The following MPRIP variants were observed in gnomAD, a reference collection of about 807,000 sequenced individuals.
The protein encoded by MPRIP is myosin phosphatase Rho-interacting protein.
Under a neutral mutation model 234.9 loss-of-function variants are expected in MPRIP, and 59 were observed. The observed-to-expected ratio is 0.25, with a 90% CI of 0.20 to 0.31. MPRIP has a LOEUF of 0.31. MPRIP is among the 10% of genes least tolerant of loss of function. MPRIP has a pLI of 1.00. For missense variants in MPRIP, 2,436 were observed against 3,071.0 expected (o/e 0.79, Z 4.89); for synonymous variants, 1,144 against 1,263.9 (o/e 0.91, Z 2.01).
rs1348928324 is a variant in MPRIP, at chr17:17,166,150, A to G, written c.4559A>G (p.Gln1520Arg). 1 of 1,302,538 alleles carries G rather than the reference A, an allele frequency of 7.7e-7. No individual in the cohort carries two copies. Among genetic ancestry groups the G allele is most frequent in the Non-Finnish European group, 1.0e-6 (1 of 987,990 alleles). 80.7% of individuals were successfully genotyped at this position (1,302,538 alleles called of 1,614,324 possible). The change falls in exon 16 of 24, where the codon CAG (glutamine) becomes CGG (arginine). Residue 1520 changes from glutamine to arginine, a missense_variant. Transcript: ENST00000651222. The surrounding 1 kb of genome is among the most constrained non-coding windows in gnomAD (Gnocchi z 4.4). ...CTCGTCAGCGCCATCCAAGCCCTGC[A>G]GCACTGGCCGGCCCCAGCCCATGGC... ...SALVSAIQAL[Q>R]HWPAPAHGGA...
intron 2 of MPRIP, chr17:17,076,434 C>T (rs2089330341): frequency 6.6e-6 from 1 of 152,438 alleles, no homozygotes; most frequent in Non-Finnish European, 1.5e-5. Flanking sequence ...TCCCTTTCCT[C>T]TTCTTCTTAG....
intron 1 of MPRIP, among the ~76,000 whole-genome samples, chr17:17,074,949 A>C (rs1326752236): frequency 6.6e-6 from 1 of 152,112 alleles, no homozygotes; most frequent in Admixed American, 6.5e-5. Flanking sequence ...ATGAACATTC[A>C]TGTGCAGGTA....
intron 23 of MPRIP, chr17:17,180,521 GCA>G: frequency 8.2e-7 from 1 of 1,226,966 alleles, no homozygotes; most frequent in South Asian, 1.2e-5. Flanking sequence ...AGCCAGCCAT[GCA>G]CAGGAGGGCG....
rs759819116 is a variant in MPRIP, at chr17:17,042,829, C to CCGT, written c.-17_-15dup. 11 of 1,444,172 alleles carry CCGT rather than the reference C, an allele frequency of 7.6e-6. No homozygotes were observed. In the African/African-American group the frequency reaches 1.3e-4, roughly 17 times the overall value. 89.5% of individuals were successfully genotyped at this position (1,444,172 alleles called of 1,614,324 possible). A position where few individuals can be genotyped will look rare whatever the true frequency, so the allele number is the denominator to read the frequency against. On this transcript the variant is annotated 5_prime_UTR_variant, in exon 1 of 24. Coordinates refer to ENST00000651222, the MANE Select transcript of MPRIP (RefSeq NM_001364716.4). ...CAGGCCTGCGCCGCCGCCGCCGCCG[C>CCGT]CGTCGCCGCCGCGCCGACCATGTCG...
intron 15 of MPRIP, among the ~76,000 whole-genome samples, chr17:17,163,309 G>A (rs941928892): frequency 1.3e-5 from 2 of 152,146 alleles, no homozygotes; most frequent in East Asian, 3.8e-4. Context: ...GGCTGGGCTC[G>A]GCTCACTCTT....
intron 3 of MPRIP, chr17:17,096,994 T>C: frequency 3.0e-6 from 1 of 337,128 alleles, no homozygotes; most frequent in Non-Finnish European, 6.0e-6. Context: ...TGCCCGGCTA[T>C]CGTAGCCAGG....
At chr17:17,172,668 T>C in intron 17 of MPRIP, 30 bp from the exon 18 acceptor site, 4 of 1,588,000 alleles carry the variant, frequency 2.5e-6, no homozygotes, top group Non-Finnish European at 3.4e-6. Context: ...GCGTGGTCCC[T>C]CGGTGCTGAG....
At chr17:17,099,642 G>A (rs759621482) in intron 3 of MPRIP, among the ~76,000 whole-genome samples, 13 of 152,166 alleles carry the variant, frequency 8.5e-5, no homozygotes, top group Non-Finnish European at 1.3e-4. Context: ...CCAGAGGATC[G>A]CTTGAGCCTG....
At chr17:17,051,557 C>G (rs761053651) in intron 1 of MPRIP, among the ~76,000 whole-genome samples, 5 of 152,268 alleles carry the variant, frequency 3.3e-5, no homozygotes, top group Admixed American at 2.6e-4. Context: ...CGGGGGAGGG[C>G]CTTGGGTCAT....
chr17:17,175,441 C>G, intron 20 of MPRIP, 29 bp downstream of exon 20: 2 of 1,573,614 alleles, frequency 1.3e-6, no homozygotes, highest in Non-Finnish European at 1.7e-6. Context: ...CCCTGCCTGA[C>G]TCAGCTCTGC....
At chr17:17,140,313 A>T (rs1441738058) in intron 7 of MPRIP, among the ~76,000 whole-genome samples, 3 of 152,062 alleles carry the variant, frequency 2.0e-5, no homozygotes, top group Admixed American at 1.3e-4. Flanking sequence ...GTCGCCTGGG[A>T]CAGGTGCAGT....
chr17:17,115,576 T>G (rs530560704), intron 3 of MPRIP, among the ~76,000 whole-genome samples: 2 of 152,338 alleles, frequency 1.3e-5, no homozygotes, highest in East Asian at 3.9e-4. Context: ...CAGGTCATTG[T>G]CTTTGAGGAT....
chr17:17,058,228 T>C (rs920512813), intron 1 of MPRIP, among the ~76,000 whole-genome samples: 2 of 152,126 alleles, frequency 1.3e-5, no homozygotes, highest in Admixed American at 1.3e-4. Context: ...AAGGTGCTTA[T>C]GTTTGTGGTC....
At chr17:17,172,651 A>G (rs1479511684) in intron 17 of MPRIP, 47 bp from the exon 18 acceptor site, 8 of 1,492,838 alleles carry the variant, frequency 5.4e-6, no homozygotes, top group Non-Finnish European at 7.4e-6. Context: ...CCCTGTCAGC[A>G]GGAAGGGCGT....
Position 17,082,285 on chromosome 17 carries a change from A to ATTTTTTTTTTTT in MPRIP, c.267+4225_267+4236dup, listed in dbSNP as rs71355536. Among the ~76,000 whole-genome samples the ATTTTTTTTTTTT allele has an allele frequency of 2.6e-4, 23 of 88,708 alleles. 1 individual carries two copies. Among genetic ancestry groups the ATTTTTTTTTTTT allele is most frequent in the African/African-American group, 8.7e-4 (19 of 21,740 alleles). The allele number at this position is 88,708 out of a possible 152,430, so 58.2% of individuals were successfully genotyped here. The stretch of plus-strand genomic sequence containing the variant: ...AAAAGCTGATCAAATGCTTTTTCCA[A>ATTTTTTTTTTTT]TTTTTTTTTTTTTTTTTTTTTTTTT... On this transcript the variant is annotated intron_variant, in intron 3 of 23. Transcript: ENST00000651222.
chr17:17,048,721 C>G (rs2088436568), intron 1 of MPRIP, among the ~76,000 whole-genome samples: 1 of 152,178 alleles, frequency 6.6e-6, no homozygotes, highest in South Asian at 2.1e-4. Context: ...ATAACTCTTG[C>G]ACGTTGCTGG....
intron 22 of MPRIP, 68 bp from the exon 23 acceptor site, chr17:17,179,935 T>C (rs2046337353): frequency 7.1e-6 from 9 of 1,273,372 alleles, no homozygotes; most frequent in Admixed American, 4.2e-5. Context: ...TTTCAGGATT[T>C]AGTCTGGTTC....
chr17:17,096,711 C>T (rs186833956), intron 3 of MPRIP: 116 of 470,234 alleles, frequency 2.5e-4, no homozygotes, highest in African/African-American at 1.9e-3. Context: ...TGGGGCTCAG[C>T]CCTGTCCTTA....
intron 3 of MPRIP, among the ~76,000 whole-genome samples, chr17:17,102,768 TGGACACCTGTCCACAGA>T (rs890700368): frequency 9.2e-5 from 14 of 152,320 alleles, no homozygotes; most frequent in Admixed American, 5.9e-4. Flanking sequence ...GCCCAGCTAG[TGGACACCTGTCCACAGA>T]GGACTCTGAA....
Sources: gnomAD v4.1 joint callset for allele counts (sites outside exome capture counted in the v4.1 genomes callset) on GRCh38, gnomAD v4.1.1 for gene constraint, Gnocchi (gnomAD v3.1) non-coding constraint, MANE v1.5 for transcripts, NCBI Gene and HGNC (gene_info 2026-07-23, HGNC 2026-07-21) for gene names.